Variants in CLCA4 observed in about 807,000 individuals in gnomAD.
CLCA4 encodes chloride channel accessory 4, also known as calcium-activated chloride channel regulator 4.
Under a neutral mutation model 78.9 loss-of-function variants are expected in CLCA4, and 69 were observed. The observed-to-expected ratio is 0.87, with a 90% CI of 0.72 to 1.07. The LOEUF is 1.07. CLCA4 is among the 50% of genes least tolerant of loss of function. The pLI is 0.00. For missense variants in CLCA4, 1,133 were observed against 1,095.8 expected (o/e 1.03, Z -0.48); for synonymous variants, 362 against 375.8 (o/e 0.96, Z 0.42).
chr1:86,569,591 G>A (rs1650290449), intron 7 of CLCA4, among the ~76,000 whole-genome samples: 2 of 151,990 alleles, frequency 1.3e-5, no homozygotes, highest in African/African-American at 4.8e-5. Flanking sequence ...GTAATAGGAA[G>A]ACATTTTGGG....
At chr1:86,556,707 G>A (rs2101795415) in intron 1 of CLCA4, among the ~76,000 whole-genome samples, 1 of 152,312 alleles carries the variant, frequency 6.6e-6, no homozygotes, top group East Asian at 1.9e-4. Context: ...CATAGAATGA[G>A]TTGGAGAGGA....
chr1:86,575,280 TAGAA>T, intron 10 of CLCA4, 48 bp from the exon 11 acceptor site: 1 of 1,414,676 alleles, frequency 7.1e-7, no homozygotes, highest in Non-Finnish European at 9.8e-7. Flanking sequence ...AATGGAAATA[TAGAA>T]AGTAGCTTGA....
intron 1 of CLCA4, among the ~76,000 whole-genome samples, chr1:86,553,616 G>C (rs936653378): frequency 1.3e-5 from 2 of 152,186 alleles, no homozygotes; most frequent in Admixed American, 6.5e-5. Flanking sequence ...TAGGAAACTA[G>C]CCATAGTTTT....
In CLCA4 at chr1:86,550,598, C is replaced by T. The variant is rs183014530; in HGVS notation, c.159+3320C>T. On this transcript the variant is annotated intron_variant, in intron 1 of 13. Coordinates refer to ENST00000370563, the MANE Select transcript of CLCA4 (RefSeq NM_012128.4). The stretch of plus-strand genomic sequence containing the variant: ...TTTACAGAAGAAAAAACTAGGGGTC[C>T]GAAAAAAAAAATGATTTTTCTAAGA... Among the ~76,000 whole-genome samples, 57 of 148,982 alleles carry T rather than the reference C, an allele frequency of 3.8e-4. 1 individual carries two copies. The East Asian group carries it at 8.6e-3, about 23-fold the overall frequency.
Position 86,567,669 on chromosome 1 carries a change from A to C in CLCA4, c.1182+18A>C, listed in dbSNP as rs756158701. 1.9e-6 allele frequency: 3 copies of C among 1,596,570 alleles called. No homozygotes were observed. The South Asian group carries it at 3.4e-5, about 18-fold the overall frequency. On this transcript the variant is annotated intron_variant, in intron 7 of 13. Transcript: ENST00000370563. ...CATTTCAGGTGAAAATCGTACTGCA[A>C]ATATATTTTGGTTTTTGTTTCTTTT... is the stretch of plus-strand genomic sequence containing the variant.
intron 1 of CLCA4, among the ~76,000 whole-genome samples, chr1:86,551,681 T>C (rs1260208802): frequency 6.6e-6 from 1 of 152,210 alleles, no homozygotes; most frequent in Non-Finnish European, 1.5e-5. Context: ...GGCAGGTGCC[T>C]GGGCTGACGG....
chr1:86,579,380 C>A lies in CLCA4; in HGVS notation c.2149C>A (p.Pro717Thr). The A allele has an allele frequency of 1.9e-6, 3 of 1,613,082 alleles. No homozygotes were observed. Among genetic ancestry groups the A allele is most frequent in the Non-Finnish European group, 1.7e-6 (2 of 1,179,414 alleles). The change falls in exon 13 of 14, where the codon CCT becomes ACT. Residue 717 changes from proline (P) to threonine (T), a missense_variant. Physicochemically the swap from Pro to Thr is conservative, Grantham distance 38. Coordinates refer to ENST00000370563, the MANE Select transcript of CLCA4 (RefSeq NM_012128.4). Reference sequence around the variant, plus strand: ...GGAAATTGAAGCAAACCCGCCAAGACCTGAAATTGATGAGGATACTCAGAC... The same window carrying A: ...GGAAATTGAAGCAAACCCGCCAAGAACTGAAATTGATGAGGATACTCAGAC... ...NGEIEANPPR[P>T]EIDEDTQTTL...
Position 86,559,417 on chromosome 1 carries a change from C to T in CLCA4, c.160-515C>T, listed in dbSNP as rs541143706. Among the ~76,000 whole-genome samples, 72 of 152,206 alleles carry T rather than the reference C, an allele frequency of 4.7e-4. 1 individual carries two copies. Among genetic ancestry groups the T allele is most frequent in the African/African-American group, 1.7e-3 (71 of 41,532 alleles). On this transcript the variant is annotated intron_variant, in intron 1 of 13. Coordinates refer to ENST00000370563, the MANE Select transcript of CLCA4 (RefSeq NM_012128.4). ...CCTCCTCAGTTTGCATCAACTAAGC[C>T]TGTTTTCTACGAAGATTTCTTATAA...
rs762114674 is a variant in CLCA4 at position 86,579,479 on chromosome 1, C to T, written c.2248C>T (p.Pro750Ser). 1 of 1,613,270 alleles carries T rather than the reference C, an allele frequency of 6.2e-7. No individual in the cohort carries two copies. The highest frequency in any genetic ancestry group is 8.5e-7 in the Non-Finnish European group (1 of 1,179,492). Reference sequence around the variant, plus strand: ...ATCACAAGTCCCAAGCCTTCCCTTGCCTGACCAATACCCACCAAGTCAAAT... The same window carrying T: ...ATCACAAGTCCCAAGCCTTCCCTTGTCTGACCAATACCCACCAAGTCAAAT... ...VVSQVPSLPL[P>S]DQYPPSQITD... Residue 750 changes from proline (P) to serine (S), a missense_variant, in exon 13 of 14, where the codon CCT becomes TCT. By Grantham distance (74) the Pro-to-Ser change is moderately conservative. Transcript: ENST00000370563.
At chr1:86,553,257 G>T in intron 1 of CLCA4, 1 of 897,102 alleles carries the variant, frequency 1.1e-6, no homozygotes. Flanking sequence ...CAAGCTGTAC[G>T]AGGACACGGT....
chr1:86,565,466 A>C lies in CLCA4; in HGVS notation c.735+15A>C. Reference sequence around the variant, plus strand: ...GTATTGATTCTGTAAGTATGCTGATAATTGCTTCCAGAATTTATAATCAAA... The same window carrying C: ...GTATTGATTCTGTAAGTATGCTGATCATTGCTTCCAGAATTTATAATCAAA... On this transcript the variant is annotated intron_variant, in intron 5 of 13. Coordinates refer to ENST00000370563, the MANE Select transcript of CLCA4 (RefSeq NM_012128.4). The C allele has an allele frequency of 6.5e-7, 1 of 1,536,130 alleles. No homozygotes were observed.
chr1:86,547,536 T>C (rs990321716), intron 1 of CLCA4, among the ~76,000 whole-genome samples: 1 of 152,192 alleles, frequency 6.6e-6, no homozygotes, highest in East Asian at 1.9e-4. Context: ...AATTTTCCTA[T>C]TGTACTATCA....
chr1:86,560,104 T>C, intron 2 of CLCA4, 32 bp downstream of exon 2: 1 of 1,554,402 alleles, frequency 6.4e-7, no homozygotes, highest in Non-Finnish European at 8.7e-7. Context: ...TAAAAAATTA[T>C]ATTTTCTGAT....
intron 1 of CLCA4, among the ~76,000 whole-genome samples, chr1:86,555,054 G>T (rs1317328225): frequency 6.6e-6 from 1 of 151,894 alleles, no homozygotes; most frequent in Non-Finnish European, 1.5e-5. Flanking sequence ...TTAATGCATT[G>T]TTTGTTTTTC....
At chr1:86,564,056 G>C (rs1348340513) in intron 4 of CLCA4, among the ~76,000 whole-genome samples, 3 of 152,050 alleles carry the variant, frequency 2.0e-5, no homozygotes, top group Admixed American at 1.3e-4. Flanking sequence ...ACAATATGCT[G>C]GGATAAGATC....
chr1:86,577,663 A>G (rs772842489), intron 11 of CLCA4, among the ~76,000 whole-genome samples: 1 of 152,124 alleles, frequency 6.6e-6, no homozygotes, highest in Non-Finnish European at 1.5e-5. Flanking sequence ...TATTATGCAT[A>G]CATAAATATC....
At position 86,577,904 on chromosome 1, in the gene CLCA4, G is replaced by T. The variant is rs756082248; in HGVS notation, c.1954G>T (p.Ala652Ser). Residue 652 changes from alanine (A) to serine (S), a missense_variant and splice_region_variant, in exon 12 of 14, where the codon GCT (alanine) becomes TCT (serine). By Grantham distance (99) the Ala-to-Ser change is moderately conservative. Coordinates refer to ENST00000370563, the MANE Select transcript of CLCA4 (RefSeq NM_012128.4). Reference protein sequence around the residue: ...VLELLDNGAGADSFKNDGVYS... With the variant: ...VLELLDNGAGSDSFKNDGVYS... Reference sequence around the variant, plus strand: ...TATTCCTTCATTTCTATAACAAGGCGCTGATTCTTTCAAGAATGATGGAGT... The same window carrying T: ...TATTCCTTCATTTCTATAACAAGGCTCTGATTCTTTCAAGAATGATGGAGT... 1.2e-6 allele frequency: 2 copies of T among 1,608,826 alleles called. No individual in the cohort carries two copies. Among genetic ancestry groups the T allele is most frequent in the Admixed American group, 1.7e-5 (1 of 59,030 alleles).
intron 5 of CLCA4, 69 bp from the exon 6 acceptor site, chr1:86,565,733 T>A (rs1056590115): frequency 2.1e-6 from 2 of 958,234 alleles, no homozygotes; most frequent in Admixed American, 6.6e-5. Flanking sequence ...TTTAAATTTT[T>A]CAGGTTTGTA....
rs1391723388 is a variant in CLCA4 at position 86,565,352 on chromosome 1, T to A, written c.636T>A (p.Ile212=). ...GCTGTCTTAGTAGAGCATGCAGAAT[T>A]GATTCTACAACAAAACTGTATGGAA... ...GGSCLSRACR[I]DSTTKLYGKD... is the part of the protein sequence containing the mutation. Residue 212 remains isoleucine, a synonymous_variant, in exon 5 of 14, where the codon ATT becomes ATA. Coordinates refer to ENST00000370563, the MANE Select transcript of CLCA4 (RefSeq NM_012128.4). 1 of 1,608,308 alleles carries A rather than the reference T, an allele frequency of 6.2e-7. No individual in the cohort carries two copies. The highest frequency in any genetic ancestry group is 1.3e-5 in the African/African-American group (1 of 74,940).
Sources: gnomAD v4.1 joint callset for allele counts (sites outside exome capture counted in the v4.1 genomes callset) on GRCh38, gnomAD v4.1.1 for gene constraint, MANE v1.5 for transcripts, NCBI Gene and HGNC (gene_info 2026-07-23, HGNC 2026-07-21) for gene names.